The following CD80 variants were observed in gnomAD, a reference collection of about 807,000 sequenced individuals.
CD80 encodes T-lymphocyte activation antigen CD80.
Under a neutral mutation model 27.1 loss-of-function variants are expected in CD80, and 13 were observed. The ratio of observed to expected loss-of-function variants is 0.48; its 90% CI spans 0.31 to 0.76. The LOEUF (loss-of-function observed/expected upper bound fraction) is 0.76, where lower values mean the gene tolerates loss of function less well. Ranked by LOEUF, CD80 falls within the 30% of genes least tolerant of loss-of-function variation. The pLI is 0.04. For synonymous variants in CD80, 125 were observed against 125.5 expected, an observed-to-expected ratio of 1.00 and a Z score of 0.03; for missense variants, 277 against 347.9, an observed-to-expected ratio of 0.80 and a Z score of 1.62.
intron 3 of CD80, among the ~76,000 whole-genome samples, chr3:119,538,847 GTGA>G (rs2082152580): frequency 6.6e-6 from 1 of 152,178 alleles, no homozygotes; most frequent in Non-Finnish European, 1.5e-5. Context: ...TTACAAACCT[GTGA>G]CCTGCCTTTT....
rs116642863 is a variant in CD80 at position 119,559,130 on chromosome 3, G to A, written c.-201+310C>T. On this transcript the variant is annotated intron_variant, in intron 1 of 6. Transcript: ENST00000264246. ...TAGCTCACCACAGTCTCAACCTCCC[G>A]AGCTCAAGCGATTTTCCCACTTTCA... 4.8e-3 allele frequency among the ~76,000 whole-genome samples: 724 copies of A among 152,260 alleles called. 4 individuals carry two copies. The highest frequency in any genetic ancestry group is 0.016 in the African/African-American group (656 of 41,550).
chr3:119,529,798 A>G (rs145294382), intron 5 of CD80, 44 bp downstream of exon 5: 182 of 1,322,826 alleles, frequency 1.4e-4, no homozygotes, highest in African/African-American at 1.2e-3. Flanking sequence ...ATAAAGTTTG[A>G]TCTTCCAGAA....
chr3:119,549,135 A>G (rs2082216721), intron 2 of CD80, among the ~76,000 whole-genome samples: 1 of 152,118 alleles, frequency 6.6e-6, no homozygotes, highest in Non-Finnish European at 1.5e-5. Flanking sequence ...CCATGCTTAT[A>G]CCTTTGGACT....
intron 2 of CD80, among the ~76,000 whole-genome samples, chr3:119,546,881 G>T (rs1356632831): frequency 1.3e-5 from 2 of 151,660 alleles, no homozygotes; most frequent in Non-Finnish European, 2.9e-5. Flanking sequence ...CTACAGAACT[G>T]CATTTAACCG....
intron 5 of CD80, among the ~76,000 whole-genome samples, chr3:119,528,047 A>G (rs2082088520): frequency 6.6e-6 from 1 of 152,114 alleles, no homozygotes; most frequent in Admixed American, 6.5e-5. Context: ...GATTGTCGCA[A>G]CGGGCAAGGG....
chr3:119,532,289 G>T (rs1357309170), intron 4 of CD80, among the ~76,000 whole-genome samples: 2 of 152,046 alleles, frequency 1.3e-5, no homozygotes, highest in Non-Finnish European at 2.9e-5. Flanking sequence ...ATCACCTGAG[G>T]TCAGGAGTTC....
intron 1 of CD80, among the ~76,000 whole-genome samples, chr3:119,558,761 A>G (rs1336674862): frequency 3.2e-5 from 4 of 123,742 alleles, no homozygotes; most frequent in Non-Finnish European, 6.7e-5. Flanking sequence ...GTGAGACTCC[A>G]TCTCAAAAAA....
chr3:119,535,929 T>G (rs1292103376), intron 4 of CD80, among the ~76,000 whole-genome samples: 1 of 152,186 alleles, frequency 6.6e-6, no homozygotes, highest in Non-Finnish European at 1.5e-5. Context: ...TAATGGTTTT[T>G]AGTATATATA....
At chr3:119,540,452 TTTTG>T (rs1265194542) in intron 3 of CD80, among the ~76,000 whole-genome samples, 1 of 152,168 alleles carries the variant, frequency 6.6e-6, no homozygotes, top group African/African-American at 2.4e-5. Context: ...TACCTTTTTT[TTTTG>T]TTTGTTTCAA....
At chr3:119,556,563 T>C (rs1475318638) in intron 2 of CD80, among the ~76,000 whole-genome samples, 1 of 152,214 alleles carries the variant, frequency 6.6e-6, no homozygotes, top group East Asian at 1.9e-4. Context: ...CATGTTTCTC[T>C]TGGTTCTGAA....
chr3:119,535,642 C>A (rs558771114), intron 4 of CD80, among the ~76,000 whole-genome samples: 10 of 152,064 alleles, frequency 6.6e-5, no homozygotes, highest in Non-Finnish European at 1.0e-4. Context: ...AGTTTACTAC[C>A]AGTAGGGTAA....
chr3:119,559,090 G>A (rs1485833886), intron 1 of CD80, among the ~76,000 whole-genome samples: 1 of 152,216 alleles, frequency 6.6e-6, no homozygotes, highest in African/African-American at 2.4e-5. Context: ...AGGCTAGAGT[G>A]CAGTGGCGTG....
intron 5 of CD80, 122 bp from the exon 6 acceptor site, chr3:119,527,963 C>A: frequency 1.2e-6 from 1 of 802,242 alleles, no homozygotes. Flanking sequence ...TGTTCTTATA[C>A]CAGGGGTGAT....
intron 2 of CD80, among the ~76,000 whole-genome samples, chr3:119,550,001 A>T (rs559030227): frequency 6.6e-6 from 1 of 152,302 alleles, no homozygotes; most frequent in South Asian, 2.1e-4. Flanking sequence ...TTCATCTCTA[A>T]ATAGGTATGA....
intron 4 of CD80, among the ~76,000 whole-genome samples, chr3:119,536,098 A>C (rs2082136294): frequency 2.0e-5 from 3 of 151,868 alleles, no homozygotes; most frequent in Non-Finnish European, 2.9e-5. Flanking sequence ...AAAGATAGAA[A>C]AAATTAGCCG....
chr3:119,536,207 TGC>T (rs760227411), intron 4 of CD80, among the ~76,000 whole-genome samples: 38 of 152,144 alleles, frequency 2.5e-4, no homozygotes, highest in Middle Eastern at 3.4e-3. Context: ...GCTGAGATTG[TGC>T]CACTGCACTC....
At chr3:119,550,619 T>C (rs1361986347) in intron 2 of CD80, among the ~76,000 whole-genome samples, 1 of 152,230 alleles carries the variant, frequency 6.6e-6, no homozygotes, top group African/African-American at 2.4e-5. Flanking sequence ...CTAACGATTT[T>C]GTCTGCTTCA....
At chr3:119,530,904 G>A (rs943807774) in intron 4 of CD80, among the ~76,000 whole-genome samples, 25 of 152,172 alleles carry the variant, frequency 1.6e-4, no homozygotes, top group Admixed American at 1.1e-3. Flanking sequence ...AAAAGGATAC[G>A]ACACAGTGCT....
Position 119,544,563 on chromosome 3 carries a change from C to T in CD80, c.405G>A (p.Thr135=), listed in dbSNP as rs765932547. ...AFKREHLAEV[T]LSVKADFPTP... is the part of the protein sequence containing the mutation. ...AATCCCACCAACCTTTGACTGATAACGTCACTTCAGCCAGGTGTTCCCGCT... is the reference window on the plus strand; with the variant it reads ...AATCCCACCAACCTTTGACTGATAATGTCACTTCAGCCAGGTGTTCCCGCT... Residue 135 remains threonine (T), a synonymous_variant, in exon 3 of 7, where the codon ACG becomes ACA. Transcript: ENST00000264246. 7 of 1,613,506 alleles carry T rather than the reference C, an allele frequency of 4.3e-6. No individual in the cohort carries two copies. The highest frequency in any genetic ancestry group is 3.3e-5 in the Admixed American group (2 of 59,978).
Sources: gnomAD v4.1 joint callset for allele counts (sites outside exome capture counted in the v4.1 genomes callset) on GRCh38, gnomAD v4.1.1 for gene constraint, MANE v1.5 for transcripts, NCBI Gene and HGNC (gene_info 2026-07-23, HGNC 2026-07-21) for gene names.